NCAM2: variants seen among roughly 807,000 people sequenced by gnomAD.
NCAM2 encodes N-CAM-2.
A neutral mutation model predicts 98.1 loss-of-function variants in NCAM2; 30 were observed. The ratio of observed to expected loss-of-function variants is 0.31; its 90% CI spans 0.23 to 0.41. The LOEUF (loss-of-function observed/expected upper bound fraction) is 0.41. NCAM2 is among the 10% of genes least tolerant of loss of function. The pLI is 1.00. For missense variants in NCAM2, 867 were observed against 1,005.8 expected (o/e 0.86, Z 1.87); for synonymous variants, 368 against 342.4 (o/e 1.07, Z -0.83).
rs71195329 is a variant in NCAM2 at position 21,450,793 on chromosome 21, TACACACAC to T, written c.1655-15779_1655-15772del. Among the ~76,000 whole-genome samples the T allele has an allele frequency of 9.6e-3, 1,380 of 143,254 alleles. 11 individuals carry two copies. The highest frequency in any genetic ancestry group is 0.012 in the Non-Finnish European group (764 of 66,160). The allele number at this position is 143,254 out of a possible 152,430, so 94.0% of individuals were successfully genotyped here. On this transcript the variant is annotated intron_variant, in intron 12 of 17. Coordinates refer to ENST00000400546, the MANE Select transcript of NCAM2 (RefSeq NM_004540.5). ...CATCATGTATGTATGTATGTATGTA[TACACACAC>T]ACACACACACACACACACACACACA...
intron 1 of NCAM2, among the ~76,000 whole-genome samples, chr21:21,180,845 C>G (rs551748756): frequency 6.6e-6 from 1 of 152,126 alleles, no homozygotes; most frequent in Admixed American, 6.6e-5. Flanking sequence ...TCTCAAGCCT[C>G]AAACTGTACC....
chr21:21,347,337 C>A (rs2075218154), intron 8 of NCAM2, among the ~76,000 whole-genome samples: 2 of 151,650 alleles, frequency 1.3e-5, no homozygotes, highest in African/African-American at 4.8e-5. Flanking sequence ...ATATAGAACC[C>A]CAAAAGACTC....
chr21:21,125,429 A>C (rs537724606), intron 1 of NCAM2, among the ~76,000 whole-genome samples: 408 of 1,290 alleles, frequency 0.32, 9 homozygotes, highest in African/African-American at 0.35. Context: ...ATATTCATAC[A>C]TATGTAATAT....
intron 1 of NCAM2, among the ~76,000 whole-genome samples, chr21:21,014,954 C>T (rs775913122): frequency 6.6e-5 from 10 of 152,026 alleles, no homozygotes; most frequent in Non-Finnish European, 2.9e-5. Flanking sequence ...TTCAAGACTT[C>T]GGCAGAAGTA....
chr21:21,192,263 C>T (rs1338756975), intron 1 of NCAM2, among the ~76,000 whole-genome samples: 2 of 151,226 alleles, frequency 1.3e-5, no homozygotes, highest in Non-Finnish European at 3.0e-5. Flanking sequence ...AAAAAAAACC[C>T]GATGAGAGGA....
chr21:21,164,991 T>A (rs1716760913), intron 1 of NCAM2, among the ~76,000 whole-genome samples: 1 of 152,194 alleles, frequency 6.6e-6, no homozygotes, highest in South Asian at 2.1e-4. Context: ...AATGCACTGT[T>A]GTATTTAATT....
intron 14 of NCAM2, among the ~76,000 whole-genome samples, chr21:21,472,984 ACACACACACG>A (rs1392312707): frequency 8.0e-6 from 1 of 125,330 alleles, no homozygotes; most frequent in Non-Finnish European, 1.7e-5. Context: ...ACACACACAC[ACACACACACG>A]CACACATACA....
At chr21:21,077,320 T>G (rs955601403) in intron 1 of NCAM2, among the ~76,000 whole-genome samples, 1 of 152,196 alleles carries the variant, frequency 6.6e-6, no homozygotes, top group African/African-American at 2.4e-5. Flanking sequence ...AGAGAAAACA[T>G]TGTGCCTTCT....
chr21:21,002,604 T>C (rs1222408636), intron 1 of NCAM2, among the ~76,000 whole-genome samples: 1 of 152,122 alleles, frequency 6.6e-6, no homozygotes, highest in African/African-American at 2.4e-5. Context: ...CTCTGTCTTT[T>C]AACATTTGGG....
At chr21:21,312,057 A>C (rs1447929479) in intron 5 of NCAM2, among the ~76,000 whole-genome samples, 1 of 152,158 alleles carries the variant, frequency 6.6e-6, no homozygotes, top group Non-Finnish European at 1.5e-5. Context: ...GAGAGCTGAC[A>C]GCGAATTTCC....
At chr21:21,339,508 A>T (rs946497015) in intron 8 of NCAM2, among the ~76,000 whole-genome samples, 1 of 152,068 alleles carries the variant, frequency 6.6e-6, no homozygotes, top group South Asian at 2.1e-4. Context: ...GCAATTTCAC[A>T]TAAGTGAAGA....
chr21:21,019,846 T>C (rs1305916365), intron 1 of NCAM2, among the ~76,000 whole-genome samples: 2 of 152,086 alleles, frequency 1.3e-5, no homozygotes, highest in Admixed American at 6.6e-5. Flanking sequence ...AAGTTTAGCT[T>C]TTGTGGGCTT....
At chr21:21,450,993 G>A (rs1375584130) in intron 12 of NCAM2, among the ~76,000 whole-genome samples, 4 of 152,096 alleles carry the variant, frequency 2.6e-5, no homozygotes, top group East Asian at 1.9e-4. Context: ...TATTCCAAGC[G>A]TTTATATGAG....
chr21:21,314,562 C>T (rs1366013495), intron 5 of NCAM2, among the ~76,000 whole-genome samples: 1 of 152,086 alleles, frequency 6.6e-6, no homozygotes, highest in Non-Finnish European at 1.5e-5. Flanking sequence ...TATATACCTA[C>T]ATTATTTTGT....
intron 12 of NCAM2, among the ~76,000 whole-genome samples, chr21:21,440,693 A>AAAAAGAAAAG (rs138443651): frequency 9.3e-5 from 14 of 150,430 alleles, no homozygotes; most frequent in Non-Finnish European, 1.5e-4. Flanking sequence ...CAACAACAAA[A>AAAAAGAAAAG]AAAAGAAAAG....
At chr21:21,347,005 A>G (rs1178062509) in intron 8 of NCAM2, among the ~76,000 whole-genome samples, 1 of 151,972 alleles carries the variant, frequency 6.6e-6, no homozygotes, top group Non-Finnish European at 1.5e-5. Flanking sequence ...AAATTAGTAG[A>G]AGAAAATAAA....
intron 15 of NCAM2, 120 bp from the exon 16 acceptor site, chr21:21,508,731 A>T (rs1423638648): frequency 1.0e-5 from 8 of 793,530 alleles, no homozygotes; most frequent in Non-Finnish European, 1.5e-5. Context: ...TGTCTCTTAA[A>T]TTGAATTATT....
intron 9 of NCAM2, among the ~76,000 whole-genome samples, chr21:21,386,515 G>T (rs1288134956): frequency 6.6e-6 from 1 of 152,114 alleles, no homozygotes. Flanking sequence ...AAAATGGAAA[G>T]CATATCTCTT....
chr21:21,019,572 C>G (rs2064385448), intron 1 of NCAM2, among the ~76,000 whole-genome samples: 1 of 152,124 alleles, frequency 6.6e-6, no homozygotes, highest in Non-Finnish European at 1.5e-5. Flanking sequence ...GTGCTATTCA[C>G]AAAGTATCCA....
Sources: allele counts gnomAD v4.1 joint callset (sites outside exome capture counted in the v4.1 genomes callset), GRCh38; gene constraint gnomAD v4.1.1; transcripts MANE v1.5; gene names NCBI Gene and HGNC (gene_info 2026-07-23, HGNC 2026-07-21).